The following IGSF5 variants were observed in gnomAD, a reference collection of about 807,000 sequenced individuals.
IGSF5 encodes the protein immunoglobulin superfamily member 5.
A neutral mutation model predicts 39.4 loss-of-function variants in IGSF5; 41 were observed. That is an observed-to-expected ratio of 1.04 (90% CI 0.81 to 1.35). The LOEUF (loss-of-function observed/expected upper bound fraction) is 1.35, where lower values mean the gene tolerates loss of function less well. Among genes scored for constraint, IGSF5 ranks in the 40% most tolerant of loss-of-function variants. The probability of loss-of-function intolerance (pLI) is 0.00; values close to 1 mark genes in which losing one functional copy is unlikely to be tolerated. For missense variants in IGSF5, 487 were observed against 494.6 expected (o/e 0.98, Z 0.15); for synonymous variants, 183 against 175.3 (o/e 1.04, Z -0.34).
intron 2 of IGSF5, among the ~76,000 whole-genome samples, chr21:39,753,064 G>A (rs1386867508): frequency 1.3e-5 from 2 of 152,072 alleles, no homozygotes; most frequent in African/African-American, 2.4e-5. Flanking sequence ...TTAATTCTTT[G>A]CCTAAGCTAA....
At chr21:39,725,585 C>T in the IGSF5 span, among the ~76,000 whole-genome samples, 1 of 152,216 alleles carries the variant, frequency 6.6e-6, no homozygotes, top group Non-Finnish European at 1.5e-5. Flanking sequence ...GACAAGTTTC[C>T]TCCTTCAGGG....
At chr21:39,763,474 G>A (rs533935325) in intron 2 of IGSF5, among the ~76,000 whole-genome samples, 56 of 152,286 alleles carry the variant, frequency 3.7e-4, no homozygotes, top group African/African-American at 1.2e-3. Flanking sequence ...CTGCAGAATA[G>A]GGTTATTTGG....
chr21:39,750,816 G>T (rs10427527), intron 2 of IGSF5, among the ~76,000 whole-genome samples: 3 of 152,312 alleles, frequency 2.0e-5, no homozygotes, highest in Admixed American at 6.5e-5. Flanking sequence ...TCCACCAGCC[G>T]CTGGGCCTTT....
chr21:39,757,906 T>C (rs1247478112), intron 2 of IGSF5, among the ~76,000 whole-genome samples: 1 of 152,118 alleles, frequency 6.6e-6, no homozygotes, highest in Non-Finnish European at 1.5e-5. Context: ...CAGATGAGGC[T>C]GCCCCTGTCC....
rs1014766149 is a variant in IGSF5 at position 39,745,215 on chromosome 21, A to G, written c.-295A>G. Among the ~76,000 whole-genome samples the G allele has an allele frequency of 6.6e-6, 1 of 151,282 alleles. No individual in the cohort carries two copies. The highest frequency in any genetic ancestry group is 2.4e-5 in the African/African-American group (1 of 41,118). ...CGTGTCTCTCTCTTAGCCATTACAAACTTGGGGCCCTGGCAAGGGTGGTGG... is the reference window on the plus strand; with the variant it reads ...CGTGTCTCTCTCTTAGCCATTACAAGCTTGGGGCCCTGGCAAGGGTGGTGG... On this transcript the variant is annotated 5_prime_UTR_variant, in exon 1 of 9. Transcript: ENST00000380588.
At chr21:39,719,363 G>T in the IGSF5 span, among the ~76,000 whole-genome samples, 3 of 151,968 alleles carry the variant, frequency 2.0e-5, no homozygotes, top group African/African-American at 4.8e-5. Flanking sequence ...CATCCTCAAG[G>T]CACCAAAACC....
intron 4 of IGSF5, among the ~76,000 whole-genome samples, chr21:39,774,315 A>G (rs2080129204): frequency 6.6e-6 from 1 of 152,194 alleles, no homozygotes; most frequent in Non-Finnish European, 1.5e-5. Context: ...GTGCCCATTC[A>G]GGCTTCTTCA....
At chr21:39,797,436 C>T (rs1168396382) in intron 8 of IGSF5, among the ~76,000 whole-genome samples, 1 of 152,120 alleles carries the variant, frequency 6.6e-6, no homozygotes, top group Admixed American at 6.5e-5. Flanking sequence ...CCAGGCTGGG[C>T]TCGAACTCCT....
chr21:39,789,115 T>A (rs1041719515), intron 6 of IGSF5, among the ~76,000 whole-genome samples: 1 of 152,060 alleles, frequency 6.6e-6, no homozygotes, highest in Non-Finnish European at 1.5e-5. Context: ...CCCTGATAAT[T>A]ATTCTGGCAT....
chr21:39,773,752 T>G, intron 4 of IGSF5, among the ~76,000 whole-genome samples: 1 of 152,248 alleles, frequency 6.6e-6, no homozygotes, highest in Non-Finnish European at 1.5e-5. Context: ...GTTAGTCTAC[T>G]TAAATATGAT....
At chr21:39,753,622 G>T (rs762643602) in intron 2 of IGSF5, among the ~76,000 whole-genome samples, 6 of 152,262 alleles carry the variant, frequency 3.9e-5, no homozygotes, top group Non-Finnish European at 7.4e-5. Flanking sequence ...AATATTGTAG[G>T]TCTAGTAGTA....
At position 39,779,262 on chromosome 21, in the gene IGSF5, C is replaced by T. The variant is rs369881689; in HGVS notation, c.891C>T (p.Cys297=). 4 of 1,613,172 alleles carry T rather than the reference C, an allele frequency of 2.5e-6. No individual in the cohort carries two copies. The highest frequency in any genetic ancestry group is 3.4e-6 in the Non-Finnish European group (4 of 1,179,530). The change falls in exon 5 of 9, where the codon TGC becomes TGT. Residue 297 remains cysteine (C), a synonymous_variant. Transcript: ENST00000380588. Reference sequence around the variant, plus strand: ...GCTGCCGCCGTCGTTGTTGTGGCTGCAACTGCTGCTGCCGTTGTTGTTTCT... The same window carrying T: ...GCTGCCGCCGTCGTTGTTGTGGCTGTAACTGCTGCTGCCGTTGTTGTTTCT... ...CCCCRRRCCG[C]NCCCRCCFCC...
At chr21:39,760,982 A>G (rs2080058975) in intron 2 of IGSF5, among the ~76,000 whole-genome samples, 1 of 152,250 alleles carries the variant, frequency 6.6e-6, no homozygotes. Flanking sequence ...AGCTGGAAGC[A>G]TCACATTACC....
intron 5 of IGSF5, among the ~76,000 whole-genome samples, chr21:39,786,123 A>C (rs1020264702): frequency 1.3e-5 from 2 of 151,758 alleles, no homozygotes; most frequent in Non-Finnish European, 3.0e-5. Flanking sequence ...TAATTAAACT[A>C]AAGAGCTTCT....
chr21:39,725,686 A>T, the IGSF5 span, among the ~76,000 whole-genome samples: 2 of 152,188 alleles, frequency 1.3e-5, no homozygotes, highest in Non-Finnish European at 2.9e-5. Context: ...GGAAACACAA[A>T]CACCTAATTT....
At chr21:39,746,018 G>A (rs1286442271) in intron 1 of IGSF5, among the ~76,000 whole-genome samples, 198 bp from the exon 2 acceptor site, 1 of 152,132 alleles carries the variant, frequency 6.6e-6, no homozygotes, top group Non-Finnish European at 1.5e-5. Flanking sequence ...TTGGCCTCAC[G>A]AATTCCAAGG....
intron 2 of IGSF5, among the ~76,000 whole-genome samples, chr21:39,753,954 T>G (rs541648534): frequency 2.9e-4 from 44 of 152,314 alleles, no homozygotes; most frequent in African/African-American, 1.0e-3. Context: ...TTCTGCCATT[T>G]TTAATCTTTT....
intron 1 of IGSF5, among the ~76,000 whole-genome samples, 182 bp downstream of exon 1, chr21:39,745,708 G>A (rs1022421382): frequency 2.6e-5 from 4 of 152,154 alleles, no homozygotes; most frequent in Non-Finnish European, 5.9e-5. Context: ...AACCCCAGAA[G>A]GGTTGGGGGT....
At chr21:39,769,673 C>A (rs1048042352) in intron 3 of IGSF5, among the ~76,000 whole-genome samples, 7 of 151,990 alleles carry the variant, frequency 4.6e-5, no homozygotes, top group African/African-American at 1.7e-4. Context: ...TCCAGCCAGA[C>A]ATTACAGAGA....
Sources: gnomAD v4.1 joint callset for allele counts (sites outside exome capture counted in the v4.1 genomes callset) on GRCh38, gnomAD v4.1.1 for gene constraint, MANE v1.5 for transcripts, NCBI Gene and HGNC (gene_info 2026-07-23, HGNC 2026-07-21) for gene names.